DCAF6: variants seen among roughly 807,000 people sequenced by gnomAD.
The protein encoded by DCAF6 is DDB1 and CUL4 associated factor 6.
Under a neutral mutation model 125.1 loss-of-function variants are expected in DCAF6, and 54 were observed. The observed-to-expected ratio is 0.43, with a 90% CI of 0.35 to 0.54. The LOEUF is 0.54. Ranked by LOEUF, DCAF6 falls within the 20% of genes least tolerant of loss-of-function variation. The pLI is 0.01. For missense variants in DCAF6, 934 were observed against 1,161.7 expected (o/e 0.80, Z 2.85); for synonymous variants, 371 against 390.4 (o/e 0.95, Z 0.58).
chr1:167,985,792 A>G (rs1324049187), intron 4 of DCAF6, among the ~76,000 whole-genome samples: 2 of 152,224 alleles, frequency 1.3e-5, no homozygotes, highest in African/African-American at 2.4e-5. Flanking sequence ...GGCATCGTGT[A>G]TTTGTGCAAC....
intron 11 of DCAF6, among the ~76,000 whole-genome samples, chr1:168,016,729 G>A (rs1685024184): frequency 6.6e-6 from 1 of 151,938 alleles, no homozygotes; most frequent in Admixed American, 6.6e-5. Context: ...TTCAAGATGG[G>A]TAATAGATAC....
the DCAF6 span, among the ~76,000 whole-genome samples, chr1:167,872,995 G>A: frequency 2.3e-4 from 35 of 151,860 alleles, no homozygotes; most frequent in Admixed American, 9.2e-4. Flanking sequence ...GCTTGAACCC[G>A]GGACGCAGAG....
Position 167,982,266 on chromosome 1 carries a change from G to A in DCAF6, c.439-5229G>A, listed in dbSNP as rs183017759. Among the ~76,000 whole-genome samples, 133 of 151,574 alleles carry A rather than the reference G, an allele frequency of 8.8e-4. 1 individual carries two copies. Among genetic ancestry groups the A allele is most frequent in the African/African-American group, 3.1e-3 (127 of 41,328 alleles). The stretch of plus-strand genomic sequence containing the variant: ...TTTTAAGTTCTTTTTTTTTTGAGAC[G>A]GAGTCTCGCTTCATCGCCAGGCTGG... On this transcript the variant is annotated intron_variant, in intron 4 of 21. Transcript: ENST00000367840.
At chr1:167,999,601 C>A (rs1484471759) in intron 7 of DCAF6, among the ~76,000 whole-genome samples, 1 of 152,176 alleles carries the variant, frequency 6.6e-6, no homozygotes, top group Non-Finnish European at 1.5e-5. Context: ...TCAGGACTTG[C>A]TGCTTTACCT....
At chr1:167,894,072 T>C in the DCAF6 span, 1 of 703,602 alleles carries the variant, frequency 1.4e-6, no homozygotes, top group Non-Finnish European at 2.6e-6. Context: ...CAGGAGACTC[T>C]GGGACACCTA....
intron 12 of DCAF6, among the ~76,000 whole-genome samples, chr1:168,033,422 TCTC>T (rs1443128245): frequency 4.0e-5 from 6 of 151,568 alleles, no homozygotes; most frequent in African/African-American, 1.5e-4. Flanking sequence ...TTCACGCCAT[TCTC>T]CTGCCTCAGC....
chr1:167,925,470 T>TATATATATATATATACAC, the DCAF6 span, among the ~76,000 whole-genome samples: 2 of 107,788 alleles, frequency 1.9e-5, no homozygotes, highest in East Asian at 5.5e-4. Flanking sequence ...TATATATATA[T>TATATATATATATATACAC]ATATACATAT....
intron 1 of DCAF6, among the ~76,000 whole-genome samples, chr1:167,943,369 A>G (rs1463524921): frequency 6.6e-6 from 1 of 152,206 alleles, no homozygotes; most frequent in East Asian, 1.9e-4. Flanking sequence ...ACATGTTTAC[A>G]ATATGAATCT....
chr1:168,019,497 A>G (rs1379368681), intron 11 of DCAF6: 1 of 447,238 alleles, frequency 2.2e-6, no homozygotes, highest in East Asian at 7.0e-5. Flanking sequence ...TGGCAGAGGC[A>G]TTCAGCATAT....
chr1:167,934,307 G>A (rs1278357555), upstream of DCAF6, among the ~76,000 whole-genome samples: 1 of 152,110 alleles, frequency 6.6e-6, no homozygotes. Context: ...TTATCCTACA[G>A]CTAAAACACA....
intron 1 of DCAF6, among the ~76,000 whole-genome samples, chr1:167,938,970 C>G (rs529012867): frequency 6.6e-6 from 1 of 152,092 alleles, no homozygotes; most frequent in Non-Finnish European, 1.5e-5. Context: ...ACAGGGAGTT[C>G]TTTATCTTAA....
At chr1:168,039,046 A>G (rs958845432) in intron 13 of DCAF6, among the ~76,000 whole-genome samples, 9 of 151,950 alleles carry the variant, frequency 5.9e-5, no homozygotes, top group African/African-American at 2.2e-4. Flanking sequence ...TTACTTAGCC[A>G]TTTTCATTTA....
At chr1:168,032,368 A>G (rs1486094909) in intron 12 of DCAF6, among the ~76,000 whole-genome samples, 1 of 152,232 alleles carries the variant, frequency 6.6e-6, no homozygotes, top group Non-Finnish European at 1.5e-5. Context: ...GAATCCAGAT[A>G]TGCTTCCTTA....
chr1:167,963,408 C>T, intron 2 of DCAF6, among the ~76,000 whole-genome samples: 1 of 149,310 alleles, frequency 6.7e-6, no homozygotes. Flanking sequence ...GTTTTCCATT[C>T]TTCTGCCTTT....
intron 7 of DCAF6, among the ~76,000 whole-genome samples, chr1:167,995,845 G>A (rs1475954372): frequency 6.6e-6 from 1 of 152,052 alleles, no homozygotes; most frequent in Non-Finnish European, 1.5e-5. Context: ...TATTTATTGG[G>A]TGCCTACTAT....
At chr1:167,958,723 A>AT (rs1176992102) in intron 2 of DCAF6, among the ~76,000 whole-genome samples, 1 of 152,098 alleles carries the variant, frequency 6.6e-6, no homozygotes, top group Non-Finnish European at 1.5e-5. Context: ...TTTATTTTGA[A>AT]TTTTTTTAGA....
the DCAF6 span, among the ~76,000 whole-genome samples, chr1:167,898,249 C>A: frequency 2.3e-3 from 355 of 151,946 alleles, no homozygotes; most frequent in African/African-American, 8.3e-3. Flanking sequence ...ATTTTTTCAA[C>A]TTTTCTGTAA....
chr1:167,891,252 G>A, the DCAF6 span, among the ~76,000 whole-genome samples: 2 of 151,778 alleles, frequency 1.3e-5, no homozygotes, highest in East Asian at 2.0e-4. Flanking sequence ...GAGCCATCAC[G>A]CTTGGCTCAT....
At chr1:167,936,235 C>T, upstream of DCAF6, 2 of 239,994 alleles carry the variant, frequency 8.3e-6, no homozygotes, top group Non-Finnish European at 1.7e-5. Context: ...CGGAAACCTC[C>T]TCCTTCTCCC....
Sources: allele counts gnomAD v4.1 joint callset (sites outside exome capture counted in the v4.1 genomes callset), GRCh38; gene constraint gnomAD v4.1.1; transcripts MANE v1.5; gene names NCBI Gene and HGNC (gene_info 2026-07-23, HGNC 2026-07-21).